Variants in EPS8 observed in about 807,000 individuals in gnomAD.
EPS8 encodes epidermal growth factor receptor kinase substrate 8.
EPS8 carries 42 observed loss-of-function variants against 103.8 expected under a neutral mutation model. The ratio of observed to expected loss-of-function variants is 0.40; its 90% CI spans 0.32 to 0.52. The LOEUF (loss-of-function observed/expected upper bound fraction) is 0.52. Ranked by LOEUF, EPS8 falls within the 20% of genes least tolerant of loss-of-function variation. EPS8 has a pLI of 0.40. For missense variants in EPS8, 969 were observed against 1,005.1 expected (o/e 0.96, Z 0.49); for synonymous variants, 344 against 344.6 (o/e 1.00, Z 0.02).
intron 18 of EPS8, among the ~76,000 whole-genome samples, chr12:15,628,167 C>T (rs1283211326): frequency 6.6e-6 from 1 of 151,928 alleles, no homozygotes; most frequent in Middle Eastern, 3.2e-3. Flanking sequence ...TTTAAGTATA[C>T]ATTATGTGCA....
chr12:15,627,292 C>T (rs1443955019), intron 18 of EPS8, among the ~76,000 whole-genome samples: 1 of 152,216 alleles, frequency 6.6e-6, no homozygotes, highest in Non-Finnish European at 1.5e-5. Context: ...GCATGAGCCA[C>T]CGCGCCCAGC....
At chr12:15,671,830 C>T (rs946557116) in intron 3 of EPS8, 19 of 152,054 alleles carry the variant, frequency 1.2e-4, no homozygotes, top group African/African-American at 3.6e-4. Context: ...CTTTTCTAAT[C>T]AAGCAACTTG....
chr12:15,769,514 C>T lies in EPS8; in HGVS notation c.-22+19647G>A, dbSNP rs1947131116. ...GGAAAAATTACACAAATATAAGACGCTCTTGTTGGCAAATATTAAGAAAAA... is the reference window on the plus strand; with the variant it reads ...GGAAAAATTACACAAATATAAGACGTTCTTGTTGGCAAATATTAAGAAAAA... On this transcript the variant is annotated intron_variant, in intron 1 of 20. Coordinates refer to ENST00000281172, the MANE Select transcript of EPS8 (RefSeq NM_004447.6). This position sits in a 1 kb window ranked among gnomAD's most constrained non-coding sequence, Gnocchi z 4.6. 6.6e-6 allele frequency among the ~76,000 whole-genome samples: 1 copy of T among 152,096 alleles called. No individual in the cohort carries two copies. The highest frequency in any genetic ancestry group is 1.9e-4 in the East Asian group (1 of 5,200).
intron 15 of EPS8, among the ~76,000 whole-genome samples, chr12:15,645,989 A>C (rs1345080698): frequency 6.6e-6 from 1 of 152,222 alleles, no homozygotes; most frequent in African/African-American, 2.4e-5. Context: ...TCTAAGACAG[A>C]CAGAAAGAAA....
chr12:15,741,364 T>C (rs1220966106), intron 1 of EPS8, among the ~76,000 whole-genome samples: 1 of 152,100 alleles, frequency 6.6e-6, no homozygotes, highest in Non-Finnish European at 1.5e-5. Context: ...AGCAGTGAGA[T>C]GCCACTTTAG....
Position 15,715,531 on chromosome 12 carries a change from T to G in EPS8, c.-21-32559A>C, listed in dbSNP as rs575795751. On this transcript the variant is annotated intron_variant, in intron 1 of 20. Coordinates refer to ENST00000281172, the MANE Select transcript of EPS8 (RefSeq NM_004447.6). ...TCCCGAATAGCTGGGACTACTGGTG[T>G]GCGCCACTACGCCTGGCTAATTTTT... Among the ~76,000 whole-genome samples, 6 of 151,904 alleles carry G rather than the reference T, an allele frequency of 3.9e-5. No homozygotes were observed. The East Asian group carries it at 1.2e-3, about 29-fold the overall frequency.
chr12:15,669,401 A>C lies in EPS8; in HGVS notation c.502T>G (p.Cys168Gly). 6.2e-7 allele frequency: 1 copy of C among 1,612,840 alleles called. No homozygotes were observed. The change falls in exon 6 of 21, where the codon TGT (cysteine) becomes GGT (glycine). Residue 168 changes from cysteine to glycine, a missense_variant. Transcript: ENST00000281172. ...QNKPDLHLFQ[C>G]DEVKANLISE... Reference sequence around the variant, plus strand: ...CATTCTTTTACCTTAACCTCATCACACTGGAAGAGATGAAGATCTGGCTTG... The same window carrying C: ...CATTCTTTTACCTTAACCTCATCACCCTGGAAGAGATGAAGATCTGGCTTG...
intron 3 of EPS8, among the ~76,000 whole-genome samples, chr12:15,671,347 T>C (rs1191928176): frequency 6.6e-6 from 1 of 152,132 alleles, no homozygotes; most frequent in African/African-American, 2.4e-5. Context: ...TGAGTTAGAC[T>C]ACATTATTAA....
chr12:15,636,088 G>A (rs977827700), intron 17 of EPS8, among the ~76,000 whole-genome samples: 3 of 152,142 alleles, frequency 2.0e-5, no homozygotes, highest in Non-Finnish European at 4.4e-5. Context: ...ATGGGCAAAA[G>A]GGTAATTCTA....
Position 15,772,740 on chromosome 12 carries a change from C to T in EPS8, c.-22+16421G>A, listed in dbSNP as rs1035505061. Among the ~76,000 whole-genome samples the T allele has an allele frequency of 6.6e-6, 1 of 152,062 alleles. No homozygotes were observed. Among genetic ancestry groups the T allele is most frequent in the African/African-American group, 2.4e-5 (1 of 41,386 alleles). On this transcript the variant is annotated intron_variant, in intron 1 of 20. Coordinates refer to ENST00000281172, the MANE Select transcript of EPS8 (RefSeq NM_004447.6). This position sits in a 1 kb window ranked among gnomAD's most constrained non-coding sequence, Gnocchi z 5.0. Reference sequence around the variant, plus strand: ...GTAGATGTTAACCAGGAAAGAACAGCACCACCACAGGAGCCAAAGGAAGAG... The same window carrying T: ...GTAGATGTTAACCAGGAAAGAACAGTACCACCACAGGAGCCAAAGGAAGAG...
Position 15,640,706 on chromosome 12 carries a change from TATAGTATGAGTATAAG to T in EPS8, c.1802_1817del (p.Pro601HisfsTer49), listed in dbSNP as rs1565473322. ...TTTACTAAGAAATCATGCTCACCTG[TATAGTATGAGTATAAG>T]GTGGATCAGCACGCCCCAATCCAGA... On this transcript the variant is annotated frameshift_variant, in exon 17 of 21. Coordinates refer to ENST00000281172, the MANE Select transcript of EPS8 (RefSeq NM_004447.6). LOFTEE classifies it high-confidence loss of function. 1 of 1,613,638 alleles carries T rather than the reference TATAGTATGAGTATAAG, an allele frequency of 6.2e-7. No individual in the cohort carries two copies. The highest frequency in any genetic ancestry group is 8.5e-7 in the Non-Finnish European group (1 of 1,179,592).
At chr12:15,708,495 A>G (rs894130185) in intron 1 of EPS8, among the ~76,000 whole-genome samples, 7 of 152,226 alleles carry the variant, frequency 4.6e-5, no homozygotes, top group African/African-American at 1.7e-4. Flanking sequence ...GGAAATTATA[A>G]TACAAAATAT....
At chr12:15,683,582 T>G (rs947367253) in intron 1 of EPS8, 3 of 152,168 alleles carry the variant, frequency 2.0e-5, no homozygotes, top group African/African-American at 7.2e-5. Flanking sequence ...CAAGAAACTT[T>G]TCATTTACAC....
intron 13 of EPS8, 103 bp downstream of exon 13, chr12:15,654,042 G>A: frequency 8.9e-7 from 1 of 1,128,802 alleles, no homozygotes; most frequent in Non-Finnish European, 1.3e-6. Context: ...TTCATCCTAT[G>A]ACGCTTAGTC....
chr12:15,744,429 G>A (rs1166814517), intron 1 of EPS8, among the ~76,000 whole-genome samples: 2 of 152,182 alleles, frequency 1.3e-5, no homozygotes, highest in African/African-American at 4.8e-5. Context: ...ACTATAGTGA[G>A]TGAAACTGAT....
Position 15,780,567 on chromosome 12 carries a change from A to C in EPS8, c.-22+8594T>G, listed in dbSNP as rs1319884095. On this transcript the variant is annotated intron_variant, in intron 1 of 20. Coordinates refer to ENST00000281172, the MANE Select transcript of EPS8 (RefSeq NM_004447.6). This position sits in a 1 kb window ranked among gnomAD's most constrained non-coding sequence, Gnocchi z 4.1. ...TTTTCATTTAACATCCTCCATGGAT[A>C]ATAGTACCTACTTGACATTTCCACC... The C allele has an allele frequency of 6.6e-6, 1 of 151,518 alleles. No homozygotes were observed. The highest frequency in any genetic ancestry group is 1.5e-5 in the Non-Finnish European group (1 of 68,144). 9.4% of individuals were successfully genotyped at this position (151,518 alleles called of 1,614,324 possible). A position where few individuals can be genotyped will look rare whatever the true frequency, so the allele number is the denominator to read the frequency against.
chr12:15,623,871 T>C (rs1944900566), intron 19 of EPS8, among the ~76,000 whole-genome samples: 2 of 152,190 alleles, frequency 1.3e-5, no homozygotes, highest in Admixed American at 1.3e-4. Flanking sequence ...TTATGCTCTA[T>C]GTCCTATGTG....
Position 15,776,181 on chromosome 12 carries a change from G to A in EPS8, c.-22+12980C>T, listed in dbSNP as rs745764313. ...CTCCTTTCCAGTGATTGGTATGGTT[G>A]ATATCAGTAACAGAAATAGCAAGAA... On this transcript the variant is annotated intron_variant, in intron 1 of 20. Coordinates refer to ENST00000281172, the MANE Select transcript of EPS8 (RefSeq NM_004447.6). The surrounding 1 kb of genome is among the most constrained non-coding windows in gnomAD (Gnocchi z 4.2). Among the ~76,000 whole-genome samples, 1 of 152,152 alleles carries A rather than the reference G, an allele frequency of 6.6e-6. No individual in the cohort carries two copies. The highest frequency in any genetic ancestry group is 1.5e-5 in the Non-Finnish European group (1 of 68,012).
chr12:15,700,279 C>T lies in EPS8; in HGVS notation c.-21-17307G>A, dbSNP rs1042678235. Among the ~76,000 whole-genome samples the T allele has an allele frequency of 2.6e-5, 4 of 152,124 alleles. No individual in the cohort carries two copies. The highest frequency in any genetic ancestry group is 4.8e-5 in the African/African-American group (2 of 41,440). ...ATGTGGTTATGAAGAACCACTCTAA[C>T]GTATTCTTTTCTATCTTCTAAACAA... On this transcript the variant is annotated intron_variant, in intron 1 of 20. Transcript: ENST00000281172. The surrounding 1 kb of genome is among the most constrained non-coding windows in gnomAD (Gnocchi z 5.1).
Sources: allele counts gnomAD v4.1 joint callset (sites outside exome capture counted in the v4.1 genomes callset), GRCh38; gene constraint gnomAD v4.1.1; non-coding constraint Gnocchi (gnomAD v3.1); transcripts MANE v1.5; gene names NCBI Gene and HGNC (gene_info 2026-07-23, HGNC 2026-07-21).